LHFPL7: variants seen among roughly 807,000 people sequenced by gnomAD.
LHFPL7 encodes the protein LHFPL tetraspan subfamily member 7, also known as LHFPL tetraspan subfamily member 7 protein.
chr22:24,937,674 T>G, the LHFPL7 span, among the ~76,000 whole-genome samples: 1 of 152,218 alleles, frequency 6.6e-6, no homozygotes, highest in East Asian at 1.9e-4. Flanking sequence ...AGGATTGCAA[T>G]GAAGACCTGG....
At chr22:24,938,430 A>G in the LHFPL7 span, 2 of 1,447,686 alleles carry the variant, frequency 1.4e-6, no homozygotes, top group Non-Finnish European at 1.9e-6. Flanking sequence ...TCCCCTGCTC[A>G]TTGACCAGCT....
the LHFPL7 span, among the ~76,000 whole-genome samples, chr22:24,944,993 A>G: frequency 6.6e-6 from 1 of 151,988 alleles, no homozygotes; most frequent in African/African-American, 2.4e-5. Flanking sequence ...TATTTTTAGT[A>G]GAGACGGGAT....
At chr22:24,940,712 C>CCTTCTTT in the LHFPL7 span, among the ~76,000 whole-genome samples, 1 of 87,442 alleles carries the variant, frequency 1.1e-5, no homozygotes, top group East Asian at 2.7e-4. Context: ...TCCCTCCTTC[C>CCTTCTTT]CTTTCTTTCC....
the LHFPL7 span, among the ~76,000 whole-genome samples, chr22:24,942,892 A>AGTGTGTGTGTGTGTGTGTGTGTGTGTGT: frequency 7.8e-6 from 1 of 128,052 alleles, no homozygotes; most frequent in African/African-American, 3.0e-5. Context: ...AAGGGGATAA[A>AGTGTGTGTGTGTGTGTGTGTGTGTGTGT]GTGTGTGTGT....
chr22:24,939,266 C>G, the LHFPL7 span: 1 of 698,060 alleles, frequency 1.4e-6, no homozygotes, highest in Non-Finnish European at 2.6e-6. Context: ...TCCGCTCAGC[C>G]AGCTTTCCTG....
chr22:24,935,535 T>G, the LHFPL7 span: 1 of 1,613,974 alleles, frequency 6.2e-7, no homozygotes, highest in Non-Finnish European at 8.5e-7. Context: ...GCACACTTCC[T>G]TGATGAATGG....
At chr22:24,942,632 C>T in the LHFPL7 span, among the ~76,000 whole-genome samples, 2 of 152,228 alleles carry the variant, frequency 1.3e-5, no homozygotes, top group African/African-American at 4.8e-5. Context: ...TCCACCATAT[C>T]CCTGGTGCGG....
chr22:24,940,710 TC>T, the LHFPL7 span, among the ~76,000 whole-genome samples: 2,603 of 22,362 alleles, frequency 0.12, 147 homozygotes, highest in East Asian at 0.33. Flanking sequence ...CTTCCCTCCT[TC>T]CCTTTCTTTC....
the LHFPL7 span, among the ~76,000 whole-genome samples, chr22:24,939,924 C>CCTTTTTTTTTTTTTTT: frequency 1.1e-5 from 1 of 86,980 alleles, no homozygotes; most frequent in African/African-American, 4.3e-5. Flanking sequence ...TCATTTATCG[C>CCTTTTTTTTTTTTTTT]TTTTTTTTTT....
chr22:24,935,371 T>C, the LHFPL7 span: 1 of 1,613,952 alleles, frequency 6.2e-7, no homozygotes, highest in African/African-American at 1.3e-5. Context: ...ATTCTCTCGG[T>C]GGCACTGGAG....
At chr22:24,935,279 T>C in the LHFPL7 span, 3 of 1,560,034 alleles carry the variant, frequency 1.9e-6, no homozygotes, top group Non-Finnish European at 8.7e-7. Context: ...GTTGGCTACA[T>C]GATGATTTCA....
the LHFPL7 span, chr22:24,939,226 A>G: frequency 1.6e-5 from 11 of 686,044 alleles, no homozygotes; most frequent in East Asian, 1.3e-4. Flanking sequence ...CCACTGGGAC[A>G]CTCAGGCAGT....
At chr22:24,940,774 CT>C in the LHFPL7 span, among the ~76,000 whole-genome samples, 1 of 146,352 alleles carries the variant, frequency 6.8e-6, no homozygotes, top group African/African-American at 2.5e-5. Context: ...TCCTTCCTTC[CT>C]TCCCTCTCTC....
At chr22:24,939,369 C>T in the LHFPL7 span, 7 of 702,900 alleles carry the variant, frequency 1.0e-5, no homozygotes, top group Non-Finnish European at 1.8e-5. Context: ...CTCCAGGGAA[C>T]TGAAGGTCAC....
the LHFPL7 span, among the ~76,000 whole-genome samples, chr22:24,941,171 C>CT: frequency 5.2e-3 from 749 of 142,888 alleles, 4 homozygotes; most frequent in African/African-American, 0.011. Context: ...ATGGTATTAT[C>CT]TTTTTTTTTT....
the LHFPL7 span, among the ~76,000 whole-genome samples, chr22:24,940,320 G>A: frequency 1.3e-5 from 2 of 148,754 alleles, no homozygotes; most frequent in Admixed American, 6.7e-5. Flanking sequence ...ATAGCCGGGC[G>A]CGGTGGCTCA....
chr22:24,939,420 T>C, the LHFPL7 span: 10 of 702,738 alleles, frequency 1.4e-5, no homozygotes, highest in Non-Finnish European at 2.3e-5. Flanking sequence ...CCAGGAGCAG[T>C]AGGTGAGGAT....
chr22:24,939,863 C>T, the LHFPL7 span, among the ~76,000 whole-genome samples: 1 of 150,966 alleles, frequency 6.6e-6, no homozygotes, highest in Non-Finnish European at 1.5e-5. Flanking sequence ...ATGCAGGGCT[C>T]TTCTCATATT....
At chr22:24,935,851 C>T in the LHFPL7 span, among the ~76,000 whole-genome samples, 2 of 152,128 alleles carry the variant, frequency 1.3e-5, no homozygotes, top group African/African-American at 4.8e-5. Flanking sequence ...TCTACATATC[C>T]ATTCACACAT....
Sources: gnomAD v4.1 joint callset for allele counts (sites outside exome capture counted in the v4.1 genomes callset) on GRCh38, gnomAD v4.1.1 for gene constraint, MANE v1.5 for transcripts, NCBI Gene and HGNC (gene_info 2026-07-23, HGNC 2026-07-21) for gene names.